The following SPG11 variants were observed in gnomAD, a reference collection of about 807,000 sequenced individuals.
SPG11 encodes the protein spatacsin.
SPG11 carries 222 observed loss-of-function variants against 274.0 expected under a neutral mutation model. The observed-to-expected ratio is 0.81, with a 90% CI of 0.73 to 0.91. The LOEUF (loss-of-function observed/expected upper bound fraction) is 0.91. SPG11 is among the 40% of genes least tolerant of loss of function. SPG11 has a pLI of 0.00. For missense variants in SPG11, 3,114 were observed against 2,872.7 expected (o/e 1.08, Z -1.92); for synonymous variants, 1,144 against 1,039.7 (o/e 1.10, Z -1.93).
chr15:44,583,789 G>C, intron 30 of SPG11, 25 bp downstream of exon 30: 2 of 1,614,020 alleles, frequency 1.2e-6, no homozygotes, highest in Non-Finnish European at 1.7e-6. Flanking sequence ...TTAAGACTCT[G>C]GGCCATCTGA....
At chr15:44,620,702 AT>A (rs202000246) in intron 14 of SPG11, 11,020 of 197,644 alleles carry the variant, frequency 0.056, no homozygotes, top group South Asian at 0.12. Flanking sequence ...GACCAGGTAA[AT>A]TTTTTTTTTT....
In SPG11 at chr15:44,663,517, C is replaced by T. The variant is rs761153266; in HGVS notation, c.131G>A (p.Arg44Gln). The T allele has an allele frequency of 6.3e-7, 1 of 1,595,990 alleles. No homozygotes were observed. Among genetic ancestry groups the T allele is most frequent in the Non-Finnish European group, 8.5e-7 (1 of 1,172,346 alleles). The change falls in exon 1 of 40, where the codon CGG becomes CAG. Residue 44 changes from arginine (R) to glutamine (Q), a missense_variant. Coordinates refer to ENST00000261866, the MANE Select transcript of SPG11 (RefSeq NM_025137.4). ...CTCCGGCTGTGTGCGCAGCTGCGCC[C>T]GGGAGCCGAGCTGCCCCATCGCCTC... ...PAEAMGQLGSRAQLRTQPEAL... is the reference protein window; with the variant it reads ...PAEAMGQLGSQAQLRTQPEAL...
At chr15:44,660,947 C>A (rs2085087288) in intron 1 of SPG11, among the ~76,000 whole-genome samples, 1 of 152,036 alleles carries the variant, frequency 6.6e-6, no homozygotes, top group Admixed American at 6.6e-5. Context: ...GTATCAACAA[C>A]AAAATATGTA....
chr15:44,603,353 G>C (rs1025951180), intron 20 of SPG11, among the ~76,000 whole-genome samples: 3 of 152,124 alleles, frequency 2.0e-5, no homozygotes, highest in Non-Finnish European at 2.9e-5. Context: ...TCAGCTTCCT[G>C]AGTGTTAGGA....
At chr15:44,645,475 G>C (rs2141089992) in intron 7 of SPG11, among the ~76,000 whole-genome samples, 1 of 152,260 alleles carries the variant, frequency 6.6e-6, no homozygotes, top group South Asian at 2.1e-4. Context: ...ACTCAAGTTT[G>C]ATTAAAGACT....
chr15:44,583,697 AAAGTT>A (rs2082699205), intron 30 of SPG11, 112 bp downstream of exon 30: 1 of 1,359,828 alleles, frequency 7.4e-7, no homozygotes, highest in African/African-American at 1.4e-5. Context: ...TACCTGGAAA[AAAGTT>A]GTTGTCCCCT....
chr15:44,569,709 C>T (rs2082378495), intron 34 of SPG11, among the ~76,000 whole-genome samples: 1 of 151,654 alleles, frequency 6.6e-6, no homozygotes, highest in Non-Finnish European at 1.5e-5. Context: ...TGGGCCACCA[C>T]TGGCTGTTCT....
At chr15:44,601,557 C>CTTTTTT (rs776775388) in intron 20 of SPG11, among the ~76,000 whole-genome samples, 1 of 122,786 alleles carries the variant, frequency 8.1e-6, no homozygotes, top group Non-Finnish European at 1.7e-5. Context: ...CCAGCCTCTT[C>CTTTTTT]TTTTTTTTTT....
intron 3 of SPG11, among the ~76,000 whole-genome samples, chr15:44,658,615 C>T (rs1304446450): frequency 3.3e-5 from 5 of 152,016 alleles, no homozygotes; most frequent in African/African-American, 7.2e-5. Context: ...TGCACCACCA[C>T]GCCTGGCTAA....
At chr15:44,662,813 C>T (rs1238181841) in intron 1 of SPG11, among the ~76,000 whole-genome samples, 1 of 152,182 alleles carries the variant, frequency 6.6e-6, no homozygotes, top group Non-Finnish European at 1.5e-5. Context: ...ATGCGCGCCT[C>T]GCAAGAAAGA....
chr15:44,650,204 C>T (rs1292207933), intron 6 of SPG11, among the ~76,000 whole-genome samples: 1 of 152,026 alleles, frequency 6.6e-6, no homozygotes, highest in Non-Finnish European at 1.5e-5. Flanking sequence ...GAGAAAAGTG[C>T]AAGAAAAACC....
chr15:44,608,657 A>G, intron 18 of SPG11, 52 bp from the exon 19 acceptor site: 3 of 1,579,378 alleles, frequency 1.9e-6, no homozygotes, highest in Middle Eastern at 2.1e-4. Flanking sequence ...TCTCTTCTCA[A>G]AGTTTCTTTT....
chr15:44,574,964 T>A lies in SPG11; in HGVS notation c.5944A>T (p.Ser1982Cys). 1 of 1,614,148 alleles carries A rather than the reference T, an allele frequency of 6.2e-7. No individual in the cohort carries two copies. The highest frequency in any genetic ancestry group is 8.5e-7 in the Non-Finnish European group (1 of 1,180,036). ...EVVTNLEVLT[S>C]KCLHGKNYCR... is the part of the protein sequence containing the mutation. Reference sequence around the variant, plus strand: ...TAGTTCTTCCCATGGAGGCATTTGCTTGTCAGCACTTCCAGGTTAGTTACC... The same window carrying A: ...TAGTTCTTCCCATGGAGGCATTTGCATGTCAGCACTTCCAGGTTAGTTACC... Residue 1982 changes from serine to cysteine, a missense_variant, in exon 31 of 40, where the codon AGC becomes TGC. Physicochemically the swap from Ser to Cys is moderately radical, Grantham distance 112. Coordinates refer to ENST00000261866, the MANE Select transcript of SPG11 (RefSeq NM_025137.4).
intron 7 of SPG11, among the ~76,000 whole-genome samples, chr15:44,634,917 AT>A (rs1000779460): frequency 1.7e-4 from 26 of 150,088 alleles, no homozygotes; most frequent in African/African-American, 5.1e-4. Flanking sequence ...TAAAATAAAC[AT>A]TTTTTTTTTA....
chr15:44,635,371 T>A (rs1461001142), intron 7 of SPG11, among the ~76,000 whole-genome samples: 1 of 151,656 alleles, frequency 6.6e-6, no homozygotes, highest in Non-Finnish European at 1.5e-5. Flanking sequence ...GCCCAGGAGT[T>A]TGAGACCAGC....
intron 23 of SPG11, 164 bp from the exon 24 acceptor site, chr15:44,597,107 ATTCTT>A: frequency 4.3e-6 from 2 of 464,176 alleles, no homozygotes; most frequent in Non-Finnish European, 7.5e-6. Context: ...AAAAAAGTAG[ATTCTT>A]TTTTTTTTTT....
intron 38 of SPG11, 48 bp downstream of exon 38, chr15:44,565,806 G>A: frequency 1.2e-6 from 2 of 1,610,328 alleles, no homozygotes; most frequent in Non-Finnish European, 1.7e-6. Flanking sequence ...TGGGACAGAA[G>A]GAGAGAGGAT....
chr15:44,573,353 G>A (rs974903130), intron 32 of SPG11, 194 bp downstream of exon 32: 6 of 657,650 alleles, frequency 9.1e-6, no homozygotes, highest in African/African-American at 7.2e-5. Context: ...AAAAGCAACA[G>A]CATGTATTTT....
Position 44,622,798 on chromosome 15 carries a change from C to A in SPG11, c.2246G>T (p.Gly749Val). 6.2e-7 allele frequency: 1 copy of A among 1,613,106 alleles called. No homozygotes were observed. The highest frequency in any genetic ancestry group is 8.5e-7 in the Non-Finnish European group (1 of 1,179,304). The change falls in exon 12 of 40, where the codon GGG becomes GTG. Residue 749 changes from glycine (G) to valine (V), a missense_variant and splice_region_variant. Physicochemically the swap from Gly to Val is moderately radical, Grantham distance 109. Transcript: ENST00000261866. ...GAGCAATTGGCCTTTTACATCAAAC[C>A]CCTAAAATAAACATAGAAAACCAAA... ...KEASELLKNM[G>V]FDVKGQLLKI...
Sources: allele counts gnomAD v4.1 joint callset (sites outside exome capture counted in the v4.1 genomes callset), GRCh38; gene constraint gnomAD v4.1.1; transcripts MANE v1.5; gene names NCBI Gene and HGNC (gene_info 2026-07-23, HGNC 2026-07-21).